The following DYNC1I2 variants were observed in gnomAD, a reference collection of about 807,000 sequenced individuals.
DYNC1I2 encodes the protein dynein cytoplasmic 1 intermediate chain 2, also known as cytoplasmic dynein 1 intermediate chain 2.
DYNC1I2 carries 53 observed loss-of-function variants against 88.6 expected under a neutral mutation model. The observed-to-expected ratio is 0.60, with a 90% confidence interval of 0.48 to 0.75. The LOEUF (loss-of-function observed/expected upper bound fraction) is 0.75. DYNC1I2 is among the 30% of genes least tolerant of loss of function. The pLI is 0.00. For missense variants in DYNC1I2, 458 were observed against 766.6 expected, an observed-to-expected ratio of 0.60 and a Z score of 4.75; for synonymous variants, 198 against 254.6, an observed-to-expected ratio of 0.78 and a Z score of 2.12.
rs1238720036 is a variant in DYNC1I2 at position 171,749,039 on chromosome 2, C to T, written c.*1150C>T. On this transcript the variant is annotated 3_prime_UTR_variant, in exon 18 of 18. Transcript: ENST00000397119. ...TTCTGAAGTGTAACTGTCTTTTATT[C>T]AACAGAACATGAACTAGGAAGAGAG... Among the ~76,000 whole-genome samples, 1 of 152,128 alleles carries T rather than the reference C, an allele frequency of 6.6e-6. No homozygotes were observed. The highest frequency in any genetic ancestry group is 1.5e-5 in the Non-Finnish European group (1 of 67,988).
chr2:171,711,513 T>C (rs576820711), intron 5 of DYNC1I2, among the ~76,000 whole-genome samples: 202 of 152,318 alleles, frequency 1.3e-3, no homozygotes, highest in Non-Finnish European at 2.6e-3. Flanking sequence ...AACAGAGCTC[T>C]TACATAATGT....
intron 3 of DYNC1I2, among the ~76,000 whole-genome samples, chr2:171,698,295 T>C (rs947502684): frequency 6.6e-6 from 1 of 152,364 alleles, no homozygotes; most frequent in East Asian, 1.9e-4. Flanking sequence ...ACCCTAAATG[T>C]TAGAAAAGCA....
intron 15 of DYNC1I2, among the ~76,000 whole-genome samples, chr2:171,731,090 C>G (rs74787857): frequency 6.6e-6 from 1 of 152,200 alleles, no homozygotes. Context: ...ATAATAGGCA[C>G]TTACCAATGT....
chr2:171,731,476 G>A (rs543586135), intron 15 of DYNC1I2, among the ~76,000 whole-genome samples: 3 of 152,234 alleles, frequency 2.0e-5, no homozygotes, highest in Admixed American at 2.0e-4. Flanking sequence ...ACATTGGCCG[G>A]GCTCAGTGGC....
At chr2:171,732,688 A>G (rs1688702780) in intron 15 of DYNC1I2, among the ~76,000 whole-genome samples, 2 of 152,202 alleles carry the variant, frequency 1.3e-5, no homozygotes, top group South Asian at 4.1e-4. Context: ...CCAAAGCAAG[A>G]TGCAGAATTG....
intron 6 of DYNC1I2, among the ~76,000 whole-genome samples, chr2:171,714,356 T>C (rs1205115319): frequency 1.3e-5 from 2 of 152,078 alleles, no homozygotes; most frequent in Non-Finnish European, 2.9e-5. Flanking sequence ...AGTTACTAAA[T>C]AGAACTGAAA....
chr2:171,743,432 A>C (rs183085050), intron 15 of DYNC1I2, among the ~76,000 whole-genome samples: 1 of 152,306 alleles, frequency 6.6e-6, no homozygotes, highest in East Asian at 1.9e-4. Context: ...AATTGTGCCA[A>C]ACTGCCCCCT....
chr2:171,705,412 C>T (rs1406005680), intron 3 of DYNC1I2, among the ~76,000 whole-genome samples: 1 of 152,024 alleles, frequency 6.6e-6, no homozygotes, highest in Non-Finnish European at 1.5e-5. Context: ...TACTAATTTT[C>T]CTCCAACCTC....
chr2:171,688,710 T>C (rs188335996), intron 1 of DYNC1I2: 1 of 152,342 alleles, frequency 6.6e-6, no homozygotes, highest in Admixed American at 6.5e-5. Flanking sequence ...CGCTTGCCAG[T>C]CTTAATGGAG....
chr2:171,744,017 G>A, intron 15 of DYNC1I2, 32 bp from the exon 16 acceptor site: 1 of 1,587,498 alleles, frequency 6.3e-7, no homozygotes, highest in East Asian at 2.3e-5. Flanking sequence ...GTCATATATG[G>A]ACTGTGCTAA....
intron 4 of DYNC1I2, 93 bp downstream of exon 4, chr2:171,706,657 G>A (rs1686700285): frequency 2.5e-6 from 3 of 1,222,064 alleles, no homozygotes; most frequent in East Asian, 4.8e-5. Flanking sequence ...TTTATTGCCT[G>A]TTTGCATTTT....
intron 3 of DYNC1I2, among the ~76,000 whole-genome samples, chr2:171,695,674 GT>G (rs973220178): frequency 3.9e-5 from 6 of 152,192 alleles, no homozygotes; most frequent in African/African-American, 1.2e-4. Flanking sequence ...AAAAATATGT[GT>G]TTTTTCCCTT....
chr2:171,713,030 A>G (rs1687233318), intron 6 of DYNC1I2, among the ~76,000 whole-genome samples: 1 of 152,190 alleles, frequency 6.6e-6, no homozygotes. Context: ...AGTCCATTTA[A>G]GTGTCCAAAT....
chr2:171,712,609 C>T, intron 5 of DYNC1I2, 158 bp from the exon 6 acceptor site: 1 of 570,180 alleles, frequency 1.8e-6, no homozygotes, highest in Non-Finnish European at 3.1e-6. Flanking sequence ...TGGTGGATTT[C>T]TTGTTTTGTT....
intron 5 of DYNC1I2, among the ~76,000 whole-genome samples, chr2:171,710,120 T>TACACACACAC (rs1383615743): frequency 1.4e-4 from 13 of 95,772 alleles, no homozygotes; most frequent in East Asian, 8.2e-4. Flanking sequence ...TTTATGTATA[T>TACACACACAC]ATACACACAC....
At chr2:171,714,718 T>A (rs1687367123) in intron 6 of DYNC1I2, among the ~76,000 whole-genome samples, 1 of 152,198 alleles carries the variant, frequency 6.6e-6, no homozygotes, top group Non-Finnish European at 1.5e-5. Context: ...GTGTAGAATA[T>A]CTGGACCTTA....
At chr2:171,747,672 T>G in intron 17 of DYNC1I2, 104 bp from the exon 18 acceptor site, 2 of 720,056 alleles carry the variant, frequency 2.8e-6, no homozygotes, top group Non-Finnish European at 4.6e-6. Flanking sequence ...TTCAGGTCAA[T>G]TATTACTTTT....
chr2:171,729,903 T>C (rs1688496059), intron 15 of DYNC1I2, 50 bp downstream of exon 15: 1 of 1,600,032 alleles, frequency 6.2e-7, no homozygotes, highest in African/African-American at 1.3e-5. Context: ...TGACACAAGG[T>C]GGTGATCTAA....
chr2:171,746,268 AT>A (rs1466144239), intron 17 of DYNC1I2, among the ~76,000 whole-genome samples: 1 of 152,116 alleles, frequency 6.6e-6, no homozygotes, highest in Non-Finnish European at 1.5e-5. Context: ...AATAAGATTT[AT>A]TTTTCTGTAT....
Sources: gnomAD v4.1 joint callset for allele counts (sites outside exome capture counted in the v4.1 genomes callset) on GRCh38, gnomAD v4.1.1 for gene constraint, MANE v1.5 for transcripts, NCBI Gene and HGNC (gene_info 2026-07-23, HGNC 2026-07-21) for gene names.